The following TAB2 variants were observed in gnomAD, a reference collection of about 807,000 sequenced individuals.
The protein encoded by TAB2 is TGF-beta-activated kinase 1 and MAP3K7-binding protein 2.
In TAB2, 3 loss-of-function variants were observed where a neutral mutation model predicts 65.0. The ratio of observed to expected loss-of-function variants is 0.05; its 90% CI spans 0.02 to 0.12. The LOEUF (loss-of-function observed/expected upper bound fraction) is 0.12, where lower values mean the gene tolerates loss of function less well. Among genes scored for constraint, TAB2 ranks in the 10% least tolerant of loss-of-function variants. The probability of loss-of-function intolerance (pLI) is 1.00; values close to 1 mark genes in which losing one functional copy is unlikely to be tolerated. For missense variants in TAB2, 623 were observed against 840.3 expected (o/e 0.74, Z 3.20); for synonymous variants, 298 against 285.1 (o/e 1.05, Z -0.46).
intron 1 of TAB2, among the ~76,000 whole-genome samples, chr6:149,299,034 C>T (rs1005012183): frequency 2.0e-5 from 3 of 152,286 alleles, no homozygotes; most frequent in Non-Finnish European, 2.9e-5. Context: ...ACTTTTCATG[C>T]TAAATGAATA....
chr6:149,275,225 GGAGA>G (rs36042716), intron 1 of TAB2, among the ~76,000 whole-genome samples: 2 of 97,442 alleles, frequency 2.1e-5, no homozygotes, highest in African/African-American at 9.0e-5. Flanking sequence ...GGGGGAGGGG[GGAGA>G]GAGAGAGAAA....
chr6:149,254,014 GAA>G (rs1162499999), intron 1 of TAB2, among the ~76,000 whole-genome samples: 2 of 135,642 alleles, frequency 1.5e-5, no homozygotes, highest in African/African-American at 5.4e-5. Context: ...AAGAAAGAAA[GAA>G]AGAAAGAAAA....
At chr6:149,288,717 T>C (rs747613963) in intron 1 of TAB2, among the ~76,000 whole-genome samples, 2 of 152,212 alleles carry the variant, frequency 1.3e-5, no homozygotes, top group Non-Finnish European at 2.9e-5. Flanking sequence ...CTTATAATCA[T>C]ATTCTGCTGA....
intron 1 of TAB2, among the ~76,000 whole-genome samples, chr6:149,323,670 A>T (rs1037112288): frequency 2.0e-5 from 3 of 152,124 alleles, no homozygotes; most frequent in African/African-American, 7.2e-5. Flanking sequence ...GTTATCCTCT[A>T]CCTAAAGAAT....
chr6:149,387,401 T>TA (rs1181431345), intron 3 of TAB2, among the ~76,000 whole-genome samples: 1 of 152,190 alleles, frequency 6.6e-6, no homozygotes, highest in African/African-American at 2.4e-5. Flanking sequence ...GGCACCCCTG[T>TA]AAAAAACCAG....
intron 3 of TAB2, among the ~76,000 whole-genome samples, chr6:149,394,031 C>G (rs1782085395): frequency 6.6e-6 from 1 of 151,992 alleles, no homozygotes; most frequent in African/African-American, 2.4e-5. Flanking sequence ...TCTTTATCAC[C>G]TCAGATATTT....
At chr6:149,377,659 C>T (rs897146978) in intron 2 of TAB2, among the ~76,000 whole-genome samples, 2 of 152,152 alleles carry the variant, frequency 1.3e-5, no homozygotes, top group African/African-American at 4.8e-5. Flanking sequence ...TTTGATTATA[C>T]AGTATTATAT....
At chr6:149,344,788 G>C (rs1306711678) in intron 1 of TAB2, among the ~76,000 whole-genome samples, 1 of 152,164 alleles carries the variant, frequency 6.6e-6, no homozygotes, top group Admixed American at 6.5e-5. Context: ...CATTTACTCT[G>C]TCAGGCATTG....
intron 1 of TAB2, among the ~76,000 whole-genome samples, chr6:149,254,089 G>A (rs56392183): frequency 7.0e-6 from 1 of 142,396 alleles, no homozygotes; most frequent in South Asian, 2.3e-4. Context: ...AAGGAAGGAA[G>A]GAAGGAAGGA....
At chr6:149,322,838 G>T (rs952528808) in intron 1 of TAB2, among the ~76,000 whole-genome samples, 5 of 152,110 alleles carry the variant, frequency 3.3e-5, no homozygotes, top group Admixed American at 2.6e-4. Flanking sequence ...TTAATTCAAA[G>T]AATCTTTTAT....
chr6:149,361,568 G>A (rs1253683275), intron 1 of TAB2, among the ~76,000 whole-genome samples: 6 of 152,134 alleles, frequency 3.9e-5, no homozygotes, highest in African/African-American at 7.2e-5. Context: ...TGTCTTCGAG[G>A]CCTTTTTCCC....
At chr6:149,302,046 T>C (rs547762956) in intron 1 of TAB2, among the ~76,000 whole-genome samples, 15 of 152,188 alleles carry the variant, frequency 9.9e-5, no homozygotes, top group Non-Finnish European at 2.2e-4. Context: ...CTTATCATTG[T>C]ATATGTTAAA....
intron 1 of TAB2, among the ~76,000 whole-genome samples, chr6:149,350,852 A>ATG (rs1460808556): frequency 6.6e-6 from 1 of 152,014 alleles, no homozygotes; most frequent in Non-Finnish European, 1.5e-5. Context: ...AGATAAAATG[A>ATG]TGTATATATA....
Position 149,378,441 on chromosome 6 carries a change from C to G in TAB2, c.526C>G (p.Pro176Ala). 1 of 1,614,220 alleles carries G rather than the reference C, an allele frequency of 6.2e-7. No individual in the cohort carries two copies. The highest frequency in any genetic ancestry group is 1.7e-5 in the Admixed American group (1 of 60,022). ...TTCTCAACAAACTCCCAGATTTAAT[C>G]CCATTATGGTAACTTTAGCCCCAAA... ...SLSQQTPRFNPIMVTLAPNIQ... is the reference protein window; with the variant it reads ...SLSQQTPRFNAIMVTLAPNIQ... Residue 176 changes from proline (P) to alanine (A), a missense_variant, in exon 3 of 7, where the codon CCC (proline) becomes GCC (alanine). Physicochemically the swap from Pro to Ala is conservative, Grantham distance 27. This residue lies in a region of TAB2 where 550 missense variants were observed against 665.7 expected (regional missense o/e 0.83). Coordinates refer to ENST00000637181, the MANE Select transcript of TAB2 (RefSeq NM_001292034.3).
At chr6:149,331,634 T>G (rs1379393213) in intron 1 of TAB2, among the ~76,000 whole-genome samples, 1 of 152,198 alleles carries the variant, frequency 6.6e-6, no homozygotes, top group Non-Finnish European at 1.5e-5. Context: ...CATTCAGTCT[T>G]TCACCAGTAA....
chr6:149,275,665 C>T (rs1778458503), intron 1 of TAB2, among the ~76,000 whole-genome samples: 1 of 152,132 alleles, frequency 6.6e-6, no homozygotes, highest in Non-Finnish European at 1.5e-5. Context: ...AGTAGAGAAA[C>T]CTGCAAACAC....
chr6:149,343,121 G>GA lies in TAB2; in HGVS notation c.-90+25111dup, dbSNP rs376625388. Among the ~76,000 whole-genome samples the GA allele has an allele frequency of 2.4e-3, 364 of 152,126 alleles. 2 individuals carry two copies. Among genetic ancestry groups the GA allele is most frequent in the African/African-American group, 8.4e-3 (350 of 41,496 alleles). On this transcript the variant is annotated intron_variant, in intron 1 of 6. Transcript: ENST00000637181. ...CCGTATAAACATACCAAAAAAAATT[G>GA]AAAAACAAACATCAACAACAACAAA...
At chr6:149,230,260 C>T (rs1777376356) in intron 1 of TAB2, 1 of 152,202 alleles carries the variant, frequency 6.6e-6, no homozygotes, top group Admixed American at 6.5e-5. Context: ...ATCACATATT[C>T]AACATGTTGA....
intron 1 of TAB2, among the ~76,000 whole-genome samples, chr6:149,269,712 G>A (rs750357094): frequency 2.6e-5 from 4 of 152,140 alleles, no homozygotes; most frequent in Admixed American, 6.5e-5. Flanking sequence ...ACAGGATAAG[G>A]TCTTTGCCTT....
Sources: gnomAD v4.1 joint callset for allele counts (sites outside exome capture counted in the v4.1 genomes callset) on GRCh38, gnomAD v4.1.1 for gene constraint, gnomAD v4.1.1 regional missense constraint, MANE v1.5 for transcripts, NCBI Gene and HGNC (gene_info 2026-07-23, HGNC 2026-07-21) for gene names.